The following PARP2 variants were observed in gnomAD, a reference collection of about 807,000 sequenced individuals.
The protein encoded by PARP2 is poly(ADP-ribose) polymerase 2, also known as poly [ADP-ribose] polymerase 2.
PARP2 carries 57 observed loss-of-function variants against 77.8 expected under a neutral mutation model. The ratio of observed to expected loss-of-function variants is 0.73; its 90% CI spans 0.59 to 0.91. PARP2 has a LOEUF of 0.91. Among genes scored for constraint, PARP2 ranks in the 40% least tolerant of loss-of-function variants. The pLI is 0.00. For missense variants in PARP2, 651 were observed against 689.0 expected, an observed-to-expected ratio of 0.94 and a Z score of 0.62; for synonymous variants, 226 against 242.6, an observed-to-expected ratio of 0.93 and a Z score of 0.64.
At chr14:20,356,790 A>G in intron 13 of PARP2, 101 bp downstream of exon 13, 3 of 927,576 alleles carry the variant, frequency 3.2e-6, no homozygotes, top group Non-Finnish European at 3.5e-6. Flanking sequence ...TCCCCTCCCC[A>G]AGAGTTAAGC....
rs777441833 is a variant in PARP2, at chr14:20,352,345, C to G, written c.598C>G (p.Gln200Glu). The change falls in exon 7 of 16, where the codon CAG (glutamine) becomes GAG (glutamate). Residue 200 changes from glutamine to glutamate, a missense_variant and splice_region_variant. By Grantham distance (29) the Gln-to-Glu change is conservative. Transcript: ENST00000429687. Reference protein sequence around the residue: ...MLQMDYATNTQDEEETKKEES... With the variant: ...MLQMDYATNTEDEEETKKEES... ...ACAGATGGACTATGCCACCAATACT[C>G]AGGTAACTCTCACTATACTTTTCGA... 6.5e-7 allele frequency: 1 copy of G among 1,547,380 alleles called. No individual in the cohort carries two copies. The highest frequency in any genetic ancestry group is 8.9e-7 in the Non-Finnish European group (1 of 1,120,646).
chr14:20,356,388 GAGA>G lies in PARP2; in HGVS notation c.1186_1188del (p.Lys396del). 1 of 1,614,114 alleles carries G rather than the reference GAGA, an allele frequency of 6.2e-7. No individual in the cohort carries two copies. Among genetic ancestry groups the G allele is most frequent in the South Asian group, 1.1e-5 (1 of 91,072 alleles). On this transcript the variant is annotated inframe_deletion, in exon 12 of 16. Transcript: ENST00000429687. ...GACCTTGCTGGATTTGTTTGAAGTG[GAGA>G]AGGATGGTGAGAAAGAAGCCTTCAG...
In PARP2 at chr14:20,357,447, G is replaced by A; in HGVS notation, c.1480G>A (p.Gly494Arg). Residue 494 changes from glycine (G) to arginine (R), a missense_variant, in exon 15 of 16, where the codon GGA (glycine) becomes AGA (arginine). Gly to Arg is a moderately radical substitution (Grantham distance 125). Coordinates refer to ENST00000429687, the MANE Select transcript of PARP2 (RefSeq NM_001042618.2). ...ELLEANPKAE[G>R]LLQGKHSTKG... is the part of the protein sequence containing the mutation. ...ACTAGAGGCCAATCCTAAGGCCGAA[G>A]GATTGCTTCAAGGTAAACATAGCAC... 6.2e-7 allele frequency: 1 copy of A among 1,613,896 alleles called. No individual in the cohort carries two copies.
At chr14:20,343,836 C>T in intron 1 of PARP2, 149 bp downstream of exon 1, 1 of 794,400 alleles carries the variant, frequency 1.3e-6, no homozygotes, top group Non-Finnish European at 2.0e-6. Flanking sequence ...TTGTAAATTT[C>T]GGTTTTCAGA....
Position 20,343,661 on chromosome 14 carries a change from G to T in PARP2, c.20G>T (p.Arg7Leu). The change falls in exon 1 of 16, where the codon CGG becomes CTG. Residue 7 changes from arginine (R) to leucine (L), a missense_variant. By Grantham distance (102) the Arg-to-Leu change is moderately radical. Transcript: ENST00000429687. The part of the protein sequence containing the change: MAARRR[R>L]STGGGRARAL... ...AATTCCATGGCGGCGCGGCGGCGAC[G>T]GAGCACCGGCGGCGGCAGGGCGAGA... 3.1e-6 allele frequency: 5 copies of T among 1,610,804 alleles called. No homozygotes were observed. Among genetic ancestry groups the T allele is most frequent in the Non-Finnish European group, 4.2e-6 (5 of 1,179,128 alleles).
chr14:20,356,779 T>C (rs1884170471), intron 13 of PARP2, 90 bp downstream of exon 13: 1 of 1,012,412 alleles, frequency 9.9e-7, no homozygotes, highest in Non-Finnish European at 1.6e-6. Flanking sequence ...GATTAGATGG[T>C]TCCCCTCCCC....
intron 1 of PARP2, chr14:20,344,361 A>G (rs1883628553): frequency 6.5e-6 from 1 of 153,344 alleles, no homozygotes; most frequent in South Asian, 2.1e-4. Flanking sequence ...GACACAAGTA[A>G]AACAGATAAG....
intron 8 of PARP2, chr14:20,354,560 G>A: frequency 1.8e-6 from 1 of 542,838 alleles, no homozygotes; most frequent in South Asian, 2.5e-5. Flanking sequence ...AGCCAGGCAT[G>A]GTGGTGTGTG....
rs768585646 is a variant in PARP2 at position 20,345,431 on chromosome 14, T to C, written c.240T>C (p.Pro80=). The change falls in exon 3 of 16, where the codon CCT becomes CCC. Residue 80 remains proline, a synonymous_variant. Coordinates refer to ENST00000429687, the MANE Select transcript of PARP2 (RefSeq NM_001042618.2). ...VKALLLKGKA[P]VDPECTAKVG... The stretch of plus-strand genomic sequence containing the variant: ...CCTTGCTGTTAAAGGGCAAAGCTCC[T>C]GTGGACCCAGAGTGTACAGCCAAGG... 3 of 1,614,022 alleles carry C rather than the reference T, an allele frequency of 1.9e-6. No homozygotes were observed. Among genetic ancestry groups the C allele is most frequent in the Admixed American group, 3.3e-5 (2 of 60,022 alleles).
intron 1 of PARP2, 23 bp from the exon 2 acceptor site, chr14:20,344,909 T>C (rs1391123059): frequency 6.5e-6 from 10 of 1,537,864 alleles, no homozygotes; most frequent in Non-Finnish European, 9.0e-6. Flanking sequence ...TACTCATTCT[T>C]TGCTAATTTC....
intron 3 of PARP2, 49 bp from the exon 4 acceptor site, chr14:20,346,814 A>G (rs751038764): frequency 7.9e-6 from 10 of 1,258,260 alleles, no homozygotes; most frequent in Middle Eastern, 3.7e-4. Flanking sequence ...TTAGGATGTC[A>G]GGGCTGAACC....
chr14:20,357,120 A>G lies in PARP2; in HGVS notation c.1399A>G (p.Lys467Glu). The stretch of plus-strand genomic sequence containing the variant: ...CAATTACTGCTTTGCCTCTCGCCTA[A>G]AGAATACAGGACTGCTGCTCTTATC... ...SANYCFASRL[K>E]NTGLLLLSEV... is the part of the protein sequence containing the mutation. The change falls in exon 14 of 16, where the codon AAG becomes GAG. Residue 467 changes from lysine (K) to glutamate (E), a missense_variant. Coordinates refer to ENST00000429687, the MANE Select transcript of PARP2 (RefSeq NM_001042618.2). 5.0e-6 allele frequency: 8 copies of G among 1,611,376 alleles called. No individual in the cohort carries two copies. Among genetic ancestry groups the G allele is most frequent in the Non-Finnish European group, 6.8e-6 (8 of 1,177,584 alleles).
intron 1 of PARP2, 75 bp downstream of exon 1, chr14:20,343,762 C>T: frequency 2.1e-6 from 3 of 1,443,474 alleles, no homozygotes; most frequent in Non-Finnish European, 1.9e-6. Context: ...CTACTGTGAC[C>T]CCCTTCCCCT....
intron 7 of PARP2, chr14:20,352,549 A>ATTTTTTTTATT: frequency 4.2e-5 from 9 of 214,076 alleles, no homozygotes; most frequent in Non-Finnish European, 5.3e-5. Flanking sequence ...TGCCCAGCTG[A>ATTTTTTTTATT]TTTTTTTTCT....
chr14:20,345,330 T>C (rs1345564026), intron 2 of PARP2, 64 bp from the exon 3 acceptor site: 1 of 1,426,048 alleles, frequency 7.0e-7, no homozygotes, highest in African/African-American at 1.4e-5. Context: ...CCTGACAAGT[T>C]TCTGTTTTAC....
At chr14:20,357,365 T>A in intron 14 of PARP2, 31 bp from the exon 15 acceptor site, 1 of 1,579,654 alleles carries the variant, frequency 6.3e-7, no homozygotes, top group Non-Finnish European at 8.6e-7. Context: ...CTTAGTAGGA[T>A]ATGGGAATTC....
intron 13 of PARP2, 65 bp downstream of exon 13, chr14:20,356,754 T>C (rs1055402751): frequency 4.8e-6 from 6 of 1,262,164 alleles, no homozygotes; most frequent in Non-Finnish European, 7.0e-6. Flanking sequence ...CTCAGTGCTT[T>C]TTTTCCTAGA....
intron 13 of PARP2, 22 bp downstream of exon 13, chr14:20,356,711 G>A (rs772352549): frequency 1.3e-6 from 2 of 1,535,576 alleles, no homozygotes; most frequent in Non-Finnish European, 1.8e-6. Context: ...TGAACTCTGG[G>A]AGGAGCACAG....
In PARP2 at chr14:20,355,973, A is replaced by AC; in HGVS notation, c.1044dup (p.Tyr349LeufsTer2). 1 of 1,614,104 alleles carries AC rather than the reference A, an allele frequency of 6.2e-7. No homozygotes were observed. The highest frequency in any genetic ancestry group is 1.3e-5 in the African/African-American group (1 of 75,054). On this transcript the variant is annotated frameshift_variant, in exon 11 of 16. Coordinates refer to ENST00000429687, the MANE Select transcript of PARP2 (RefSeq NM_001042618.2). LOFTEE classifies it high-confidence loss of function. ...AGCCCAGAACACCCATTGGACCAAC[A>AC]CTATAGAAACCTACATTGTGCCTTG...
Sources: allele counts gnomAD v4.1 joint callset, GRCh38; gene constraint gnomAD v4.1.1; transcripts MANE v1.5; gene names NCBI Gene and HGNC (gene_info 2026-07-23, HGNC 2026-07-21).